Variants in GTF2IRD1 observed in about 807,000 individuals in gnomAD.
The protein encoded by GTF2IRD1 is GTF2I repeat domain containing 1, also known as general transcription factor II-I repeat domain-containing protein 1.
Under a neutral mutation model 113.2 loss-of-function variants are expected in GTF2IRD1, and 26 were observed. The ratio of observed to expected loss-of-function variants is 0.23; its 90% CI spans 0.17 to 0.32. The LOEUF (loss-of-function observed/expected upper bound fraction) is 0.32, where lower values mean the gene tolerates loss of function less well. Ranked by LOEUF, GTF2IRD1 falls within the 10% of genes least tolerant of loss-of-function variation. The pLI is 1.00. For missense variants in GTF2IRD1, 864 were observed against 1,280.8 expected, an observed-to-expected ratio of 0.67 and a Z score of 4.97; for synonymous variants, 484 against 529.1, an observed-to-expected ratio of 0.91 and a Z score of 1.17.
rs75852884 is a variant in GTF2IRD1, at chr7:74,496,850, C to T, written c.-6-11225C>T. ...ACAACCAAACACTTCCTCTCTTCCC[C>T]CCTCCCCCCATTTTGAAAAATTCTA... On this transcript the variant is annotated intron_variant, in intron 1 of 26. Transcript: ENST00000424337. 3.7e-3 allele frequency among the ~76,000 whole-genome samples: 558 copies of T among 152,152 alleles called. 4 individuals are homozygous for T. Among genetic ancestry groups the T allele is most frequent in the African/African-American group, 0.013 (534 of 41,478 alleles).
chr7:74,497,303 G>A (rs549441101), intron 1 of GTF2IRD1, among the ~76,000 whole-genome samples: 2 of 152,130 alleles, frequency 1.3e-5, no homozygotes, highest in African/African-American at 2.4e-5. Context: ...TTGCAAGAGC[G>A]GAAACGTGGA....
intron 1 of GTF2IRD1, among the ~76,000 whole-genome samples, chr7:74,484,191 T>C (rs1443168482): frequency 2.6e-5 from 4 of 152,224 alleles, no homozygotes; most frequent in African/African-American, 9.6e-5. Context: ...GTAATGGCAA[T>C]GAACCTGGAC....
chr7:74,566,210 T>C (rs1447308104), intron 22 of GTF2IRD1, among the ~76,000 whole-genome samples: 1 of 152,204 alleles, frequency 6.6e-6, no homozygotes, highest in African/African-American at 2.4e-5. Flanking sequence ...ACATTTAACC[T>C]TAAAACATAA....
rs138871967 is a variant in GTF2IRD1 at position 74,590,904 on chromosome 7, G to A, written c.2478G>A (p.Thr826=). The A allele has an allele frequency of 2.4e-5, 38 of 1,613,404 alleles. No individual in the cohort carries two copies. The highest frequency in any genetic ancestry group is 1.7e-4 in the Middle Eastern group (1 of 5,952). Residue 826 remains threonine (T), a synonymous_variant, in exon 24 of 27, where the codon ACG becomes ACA. Transcript: ENST00000424337. The part of the protein sequence containing the change: ...IRDSPDAVEV[T]GLPDDIPFRN... ...ACAGCCCAGACGCCGTGGAGGTCAC[G>A]GGTCTGCCTGATGACATCCCCTTCC... is the stretch of plus-strand genomic sequence containing the variant.
intron 22 of GTF2IRD1, among the ~76,000 whole-genome samples, chr7:74,579,889 C>G (rs1554365655): frequency 6.6e-6 from 1 of 152,038 alleles, no homozygotes; most frequent in East Asian, 1.9e-4. Flanking sequence ...TGCCTGCATA[C>G]AGTGGGGAAA....
intron 16 of GTF2IRD1, among the ~76,000 whole-genome samples, chr7:74,546,026 C>T (rs1231838859): frequency 6.6e-6 from 1 of 152,070 alleles, no homozygotes; most frequent in Non-Finnish European, 1.5e-5. Context: ...CTCACTCACA[C>T]TCTGCCTCAG....
intron 22 of GTF2IRD1, among the ~76,000 whole-genome samples, chr7:74,580,131 T>C (rs1383805884): frequency 6.6e-6 from 1 of 152,180 alleles, no homozygotes; most frequent in Non-Finnish European, 1.5e-5. Flanking sequence ...TACAAGGGGT[T>C]AAAAGCTGAA....
At chr7:74,563,107 C>T (rs1170621188) in intron 22 of GTF2IRD1, among the ~76,000 whole-genome samples, 1 of 152,032 alleles carries the variant, frequency 6.6e-6, no homozygotes, top group Non-Finnish European at 1.5e-5. Flanking sequence ...TAGACACTTC[C>T]ACACCGCAGA....
rs71094796 is a variant in GTF2IRD1, at chr7:74,574,150, ATTTTTTTTTT to A, written c.2320+14509_2320+14518del. On this transcript the variant is annotated intron_variant, in intron 22 of 26. Coordinates refer to ENST00000424337, the MANE Select transcript of GTF2IRD1 (RefSeq NM_005685.4). ...AGGCATGCACCACCACACCAAGCTA[ATTTTTTTTTT>A]TTTTTTTTTTTTTGTATTTTTAGTA... 8.6e-5 allele frequency among the ~76,000 whole-genome samples: 9 copies of A among 104,818 alleles called. No individual in the cohort carries two copies. In the East Asian group the frequency reaches 2.1e-3, roughly 24 times the overall value. The allele number at this position is 104,818 out of a possible 152,430, so 68.8% of individuals were successfully genotyped here.
At chr7:74,504,402 G>C (rs996264502) in intron 1 of GTF2IRD1, among the ~76,000 whole-genome samples, 6 of 152,230 alleles carry the variant, frequency 3.9e-5, no homozygotes, top group African/African-American at 1.4e-4. Context: ...GGACTGAGGG[G>C]TTTCCCAGGA....
At chr7:74,560,029 C>T (rs1415713327) in intron 22 of GTF2IRD1, among the ~76,000 whole-genome samples, 2 of 152,250 alleles carry the variant, frequency 1.3e-5, no homozygotes, top group African/African-American at 2.4e-5. Context: ...GATCCACCCA[C>T]CTCGGCCTCC....
chr7:74,580,830 C>T lies in GTF2IRD1; in HGVS notation c.2321-9021C>T, dbSNP rs190886081. Among the ~76,000 whole-genome samples, 193 of 152,198 alleles carry T rather than the reference C, an allele frequency of 1.3e-3. 2 individuals are homozygous for T. Among genetic ancestry groups the T allele is most frequent in the African/African-American group, 4.5e-3 (186 of 41,520 alleles). ...AGGACTTTCTGCACAGCACTGGGGG[C>T]AGAAACATGAAGGTGAAACCCTACA... On this transcript the variant is annotated intron_variant, in intron 22 of 26. Transcript: ENST00000424337.
intron 25 of GTF2IRD1, chr7:74,600,833 C>T (rs782524236): frequency 2.5e-5 from 15 of 604,060 alleles, no homozygotes; most frequent in African/African-American, 9.3e-5. Flanking sequence ...AGCAGGAGGC[C>T]GGGGAGAGTG....
chr7:74,519,552 C>A lies in GTF2IRD1; in HGVS notation c.749C>A (p.Ser250Tyr). The change falls in exon 6 of 27, where the codon TCC becomes TAC. Residue 250 changes from serine (S) to tyrosine (Y), a missense_variant. Ser to Tyr is a moderately radical substitution (Grantham distance 144). Transcript: ENST00000424337. ...PPQDLPPTAT[S>Y]SSMASFLYST... The stretch of plus-strand genomic sequence containing the variant: ...CAGGACCTGCCCCCAACCGCCACCT[C>A]CTCCTCCATGGCCAGCTTCCTGTAC... 5.6e-6 allele frequency: 9 copies of A among 1,612,232 alleles called. No individual in the cohort carries two copies. Among genetic ancestry groups the A allele is most frequent in the Non-Finnish European group, 7.6e-6 (9 of 1,179,476 alleles).
At chr7:74,480,599 G>C (rs1262395588) in intron 1 of GTF2IRD1, among the ~76,000 whole-genome samples, 2 of 151,940 alleles carry the variant, frequency 1.3e-5, no homozygotes, top group Non-Finnish European at 2.9e-5. Flanking sequence ...GCAGGCGGCC[G>C]CCCCTGCCCG....
intron 1 of GTF2IRD1, among the ~76,000 whole-genome samples, chr7:74,475,115 C>G (rs980197819): frequency 6.6e-6 from 1 of 152,086 alleles, no homozygotes; most frequent in Non-Finnish European, 1.5e-5. Flanking sequence ...AGTAGCTGGA[C>G]ACGATGGCAC....
At position 74,518,196 on chromosome 7, in the gene GTF2IRD1, A is replaced by G. The variant is rs782498176; in HGVS notation, c.479A>G (p.Glu160Gly). ...CTGCCCTATGAGAGGCTGCTCAGGGAGCCAGGGCTGCTGGCCGTGCAGGGG... is the reference window on the plus strand; with the variant it reads ...CTGCCCTATGAGAGGCTGCTCAGGGGGCCAGGGCTGCTGGCCGTGCAGGGG... ...VPLPYERLLR[E>G]PGLLAVQGLP... Residue 160 changes from glutamate to glycine, a missense_variant, in exon 5 of 27, where the codon GAG (glutamate) becomes GGG (glycine). Transcript: ENST00000424337. The G allele has an allele frequency of 1.2e-6, 2 of 1,610,748 alleles. No individual in the cohort carries two copies. The highest frequency in any genetic ancestry group is 1.7e-6 in the Non-Finnish European group (2 of 1,178,940).
At chr7:74,578,121 A>T (rs1309156741) in intron 22 of GTF2IRD1, among the ~76,000 whole-genome samples, 4 of 152,074 alleles carry the variant, frequency 2.6e-5, no homozygotes, top group African/African-American at 9.7e-5. Context: ...TTAATTTTTT[A>T]AAAATTATTT....
intron 1 of GTF2IRD1, among the ~76,000 whole-genome samples, chr7:74,496,361 CAT>C (rs1491414572): frequency 2.5e-5 from 3 of 121,320 alleles, no homozygotes; most frequent in East Asian, 2.6e-4. Context: ...TGTGTGGGTG[CAT>C]GTGTGTGTGC....
Sources: gnomAD v4.1 joint callset for allele counts (sites outside exome capture counted in the v4.1 genomes callset) on GRCh38, gnomAD v4.1.1 for gene constraint, MANE v1.5 for transcripts, NCBI Gene and HGNC (gene_info 2026-07-23, HGNC 2026-07-21) for gene names.